Variants in WDFY3 observed in about 807,000 individuals in gnomAD.
WDFY3 encodes WD repeat and FYVE domain containing 3.
A neutral mutation model predicts 409.6 loss-of-function variants in WDFY3; 66 were observed. The observed-to-expected ratio is 0.16, with a 90% CI of 0.13 to 0.20. WDFY3 has a LOEUF of 0.20. Among genes scored for constraint, WDFY3 ranks in the 10% least tolerant of loss-of-function variants. The pLI, the probability that WDFY3 is intolerant of heterozygous loss-of-function variation, is 1.00. For synonymous variants in WDFY3, 1,521 were observed against 1,537.1 expected (o/e 0.99, Z 0.25); for missense variants, 3,031 against 4,298.1 (o/e 0.71, Z 8.24).
intron 3 of WDFY3, among the ~76,000 whole-genome samples, chr4:84,874,435 A>C (rs148653968): frequency 2.0e-5 from 3 of 151,994 alleles, no homozygotes; most frequent in Non-Finnish European, 4.4e-5. Context: ...AACAAACACA[A>C]AGCAGGTATC....
intron 7 of WDFY3, among the ~76,000 whole-genome samples, chr4:84,836,053 C>T (rs1756527241): frequency 6.6e-6 from 1 of 152,186 alleles, no homozygotes; most frequent in African/African-American, 2.4e-5. Context: ...ACCATCTTAA[C>T]TGTTTTAAGA....
chr4:84,806,900 G>A (rs1199827635), intron 15 of WDFY3, among the ~76,000 whole-genome samples: 2 of 152,056 alleles, frequency 1.3e-5, no homozygotes, highest in African/African-American at 2.4e-5. Flanking sequence ...GCGAGCCACC[G>A]CACCTGGCCC....
At chr4:84,939,868 A>C (rs1490285169) in intron 1 of WDFY3, among the ~76,000 whole-genome samples, 1 of 152,176 alleles carries the variant, frequency 6.6e-6, no homozygotes, top group Non-Finnish European at 1.5e-5. Context: ...TTCTAATTCC[A>C]AGAATTTGGA....
rs143449694 is a variant in WDFY3, at chr4:84,676,433, C to T, written c.10457+766G>A. On this transcript the variant is annotated intron_variant, in intron 67 of 67. Transcript: ENST00000295888. ...AGGTAGTGGAGGTAGTATTAACTAG[C>T]ACTACTGTTTTGAAGAGTAATTTGG... 2.3e-4 allele frequency among the ~76,000 whole-genome samples: 35 copies of T among 152,194 alleles called. No homozygotes were observed. The East Asian group carries it at 4.8e-3, about 21-fold the overall frequency.
At chr4:84,713,963 A>G (rs947477229) in intron 50 of WDFY3, among the ~76,000 whole-genome samples, 11 of 152,034 alleles carry the variant, frequency 7.2e-5, no homozygotes, top group South Asian at 2.1e-4. Flanking sequence ...CTAAAAATAC[A>G]AAAATTAGCT....
chr4:84,758,803 CTAT>C (rs1328155548), intron 32 of WDFY3, among the ~76,000 whole-genome samples: 1 of 152,182 alleles, frequency 6.6e-6, no homozygotes, highest in Admixed American at 6.5e-5. Flanking sequence ...GCAGAAATTA[CTAT>C]TATCATTTTT....
intron 54 of WDFY3, among the ~76,000 whole-genome samples, 164 bp from the exon 55 acceptor site, chr4:84,704,608 C>T (rs965526632): frequency 7.2e-5 from 11 of 152,188 alleles, no homozygotes; most frequent in East Asian, 1.9e-4. Context: ...ACCACTACCC[C>T]TCTCTTCTAT....
chr4:84,735,731 T>C (rs918234699), intron 42 of WDFY3, among the ~76,000 whole-genome samples: 1 of 152,178 alleles, frequency 6.6e-6, no homozygotes, highest in African/African-American at 2.4e-5. Flanking sequence ...GCCACTTAGA[T>C]TCTGGGATGG....
intron 3 of WDFY3, among the ~76,000 whole-genome samples, chr4:84,895,998 C>T (rs1365172696): frequency 6.6e-6 from 1 of 152,116 alleles, no homozygotes; most frequent in Non-Finnish European, 1.5e-5. Flanking sequence ...TGGCTCACAC[C>T]TGTAATCCCA....
At chr4:84,919,810 C>T (rs1460579776) in intron 2 of WDFY3, among the ~76,000 whole-genome samples, 1 of 152,142 alleles carries the variant, frequency 6.6e-6, no homozygotes, top group African/African-American at 2.4e-5. Context: ...TTATAAATCA[C>T]CCAGTCTCAG....
At chr4:84,746,145 C>CAAAA (rs761664622) in intron 36 of WDFY3, among the ~76,000 whole-genome samples, 4 of 60,594 alleles carry the variant, frequency 6.6e-5, no homozygotes, top group Non-Finnish European at 9.9e-5. Context: ...CTGTCTCTAC[C>CAAAA]AAAAAAAAAA....
At position 84,795,784 on chromosome 4, in the gene WDFY3, AC is replaced by A. The variant is rs1749328139; in HGVS notation, c.3167+736del. Among the ~76,000 whole-genome samples the A allele has an allele frequency of 2.6e-5, 4 of 151,688 alleles. No homozygotes were observed. The South Asian group carries it at 8.3e-4, about 32-fold the overall frequency. On this transcript the variant is annotated intron_variant, in intron 19 of 67. Coordinates refer to ENST00000295888, the MANE Select transcript of WDFY3 (RefSeq NM_014991.6). Reference sequence around the variant, plus strand: ...CTCAAAAGGAAAAAAAAAAAACAAAACTCTAATAGCTAACAGATCTAGCTAC... The same window carrying A: ...CTCAAAAGGAAAAAAAAAAAACAAAATCTAATAGCTAACAGATCTAGCTAC...
intron 7 of WDFY3, among the ~76,000 whole-genome samples, chr4:84,834,195 T>G (rs1032831075): frequency 1.3e-5 from 2 of 152,214 alleles, no homozygotes; most frequent in African/African-American, 2.4e-5. Context: ...ATAAAATACT[T>G]TTTTACAAAT....
At chr4:84,813,076 A>G (rs1351037278) in intron 13 of WDFY3, among the ~76,000 whole-genome samples, 1 of 152,264 alleles carries the variant, frequency 6.6e-6, no homozygotes, top group East Asian at 1.9e-4. Context: ...AATAATTACA[A>G]ATTAAATGAC....
intron 44 of WDFY3, among the ~76,000 whole-genome samples, chr4:84,731,038 C>T (rs1736511575): frequency 6.6e-6 from 1 of 152,122 alleles, no homozygotes; most frequent in South Asian, 2.1e-4. Flanking sequence ...CTCAGGTGAT[C>T]CACCTGCCTC....
chr4:84,672,822 G>A lies in WDFY3; in HGVS notation c.*46C>T, dbSNP rs772831283. On this transcript the variant is annotated 3_prime_UTR_variant, in exon 68 of 68. Transcript: ENST00000295888. ...CCTTCCAAGCTGGGACAGGAGAATC[G>A]GGAAGGGGTCTACAGACCATGGTCT... 8.1e-6 allele frequency: 13 copies of A among 1,606,132 alleles called. No individual in the cohort carries two copies. The highest frequency in any genetic ancestry group is 1.7e-4 in the Middle Eastern group (1 of 5,996).
At chr4:84,769,897 C>G (rs939865123) in intron 30 of WDFY3, among the ~76,000 whole-genome samples, 7 of 152,176 alleles carry the variant, frequency 4.6e-5, no homozygotes, top group African/African-American at 1.7e-4. Flanking sequence ...CAACCTTCAG[C>G]AACCACCACC....
At chr4:84,850,143 T>C in intron 4 of WDFY3, 118 bp from the exon 5 acceptor site, 1 of 1,062,036 alleles carries the variant, frequency 9.4e-7, no homozygotes, top group South Asian at 1.8e-5. Context: ...CCTACACAGT[T>C]ACTTTGAATC....
At chr4:84,710,907 A>C (rs751202942) in intron 51 of WDFY3, among the ~76,000 whole-genome samples, 8 of 152,222 alleles carry the variant, frequency 5.3e-5, no homozygotes, top group Non-Finnish European at 8.8e-5. Flanking sequence ...TAGGAGCAGA[A>C]CATGTTTCTG....
Sources: gnomAD v4.1 joint callset for allele counts (sites outside exome capture counted in the v4.1 genomes callset) on GRCh38, gnomAD v4.1.1 for gene constraint, MANE v1.5 for transcripts, NCBI Gene and HGNC (gene_info 2026-07-23, HGNC 2026-07-21) for gene names.